PACS2: variants seen among roughly 807,000 people sequenced by gnomAD.
PACS2 encodes the protein phosphofurin acidic cluster sorting protein 2, also known as PACS1-like protein.
Under a neutral mutation model 113.0 loss-of-function variants are expected in PACS2, and 36 were observed. The ratio of observed to expected loss-of-function variants is 0.32; its 90% CI spans 0.24 to 0.42. PACS2 has a LOEUF of 0.42. Among genes scored for constraint, PACS2 ranks in the 10% least tolerant of loss-of-function variants. The pLI, the probability that PACS2 is intolerant of heterozygous loss-of-function variation, is 1.00. For synonymous variants in PACS2, 589 were observed against 536.1 expected (o/e 1.10, Z -1.36); for missense variants, 1,015 against 1,239.5 (o/e 0.82, Z 2.72).
rs912549302 is a variant in PACS2, at chr14:105,324,022, T to C, written c.119+8985T>C. Among the ~76,000 whole-genome samples, 2 of 152,198 alleles carry C rather than the reference T, an allele frequency of 1.3e-5. No individual in the cohort carries two copies. The highest frequency in any genetic ancestry group is 3.9e-4 in the East Asian group (2 of 5,188). ...TGTCAACACTGGAGTCACATGTCAG[T>C]GGGTCTCCTGCTGGGGACTGGCTTT... On this transcript the variant is annotated intron_variant, in intron 1 of 24. Transcript: ENST00000447393. The surrounding 1 kb of genome is among the most constrained non-coding windows in gnomAD (Gnocchi z 4.7).
chr14:105,311,371 A>G (rs1432309648), upstream of PACS2, among the ~76,000 whole-genome samples: 1 of 152,088 alleles, frequency 6.6e-6, no homozygotes, highest in Non-Finnish European at 1.5e-5. Flanking sequence ...CTCCCACCTC[A>G]GCTTCCCAAG....
Position 105,323,649 on chromosome 14 carries a change from A to G in PACS2, c.119+8612A>G, listed in dbSNP as rs1025874158. ...CAGTGCTGCTGGAGTGGTGGACCAC[A>G]CTGGAGGTGGAGATTGCCTCAGGGT... is the stretch of plus-strand genomic sequence containing the variant. On this transcript the variant is annotated intron_variant, in intron 1 of 24. Transcript: ENST00000447393. The surrounding 1 kb of genome is among the most constrained non-coding windows in gnomAD (Gnocchi z 4.1). Among the ~76,000 whole-genome samples the G allele has an allele frequency of 6.6e-6, 1 of 152,234 alleles. No homozygotes were observed. Among genetic ancestry groups the G allele is most frequent in the African/African-American group, 2.4e-5 (1 of 41,474 alleles).
chr14:105,350,607 C>T (rs1345112487), intron 2 of PACS2, among the ~76,000 whole-genome samples: 1 of 152,152 alleles, frequency 6.6e-6, no homozygotes, highest in East Asian at 1.9e-4. Flanking sequence ...CTTGGGGTGT[C>T]CTCTCCGCCC....
At chr14:105,377,225 TTG>T (rs2080817351) in intron 9 of PACS2, among the ~76,000 whole-genome samples, 3 of 151,580 alleles carry the variant, frequency 2.0e-5, no homozygotes, top group African/African-American at 7.3e-5. Context: ...TGGCACCCCG[TTG>T]TAGGGGATCC....
rs1376497438 is a variant in PACS2 at position 105,354,451 on chromosome 14, G to T, written c.298-601G>T. ...TTGATAGGCATGCTCAGGCATGTCA[G>T]CACCACCGCAGTTAGGGTGGTGAAC... On this transcript the variant is annotated intron_variant, in intron 3 of 24. Coordinates refer to ENST00000447393, the MANE Select transcript of PACS2 (RefSeq NM_001100913.3). The surrounding 1 kb of genome is among the most constrained non-coding windows in gnomAD (Gnocchi z 4.2). Among the ~76,000 whole-genome samples, 1 of 152,206 alleles carries T rather than the reference G, an allele frequency of 6.6e-6. No individual in the cohort carries two copies.
intron 18 of PACS2, 104 bp downstream of exon 18, chr14:105,385,091 C>T (rs2081130013): frequency 2.6e-6 from 2 of 765,774 alleles, no homozygotes; most frequent in Non-Finnish European, 2.3e-6. Context: ...GGCCGCAGAG[C>T]CCTGCACCGG....
chr14:105,304,585 C>T (rs2058127259), intron 1 of PACS2, among the ~76,000 whole-genome samples: 1 of 152,240 alleles, frequency 6.6e-6, no homozygotes, highest in African/African-American at 2.4e-5. Context: ...AGCCTTTGCT[C>T]AGATGGGCTG....
In PACS2 at chr14:105,323,434, C is replaced by A. The variant is rs1342810288; in HGVS notation, c.119+8397C>A. ...CAGGACGCATGTTGCCTACTGACCG[C>A]TGCCAGCCTGCACGAGACTCTCACG... On this transcript the variant is annotated intron_variant, in intron 1 of 24. Coordinates refer to ENST00000447393, the MANE Select transcript of PACS2 (RefSeq NM_001100913.3). The surrounding 1 kb of genome is among the most constrained non-coding windows in gnomAD (Gnocchi z 4.1). Among the ~76,000 whole-genome samples the A allele has an allele frequency of 1.3e-5, 2 of 152,214 alleles. No individual in the cohort carries two copies. The highest frequency in any genetic ancestry group is 2.9e-5 in the Non-Finnish European group (2 of 68,048).
At chr14:105,338,394 C>T (rs934756115) in intron 1 of PACS2, among the ~76,000 whole-genome samples, 2 of 152,208 alleles carry the variant, frequency 1.3e-5, no homozygotes, top group Admixed American at 6.5e-5. Flanking sequence ...CCGGAAGTCC[C>T]TGCCGAGGGG....
Position 105,324,232 on chromosome 14 carries a change from G to A in PACS2, c.119+9195G>A, listed in dbSNP as rs2059009330. ...CGGGGTCGGGGGGCTGCTGCAGAGA[G>A]CGGGTCTGCGGTCAGTCACAGTGAC... is the stretch of plus-strand genomic sequence containing the variant. On this transcript the variant is annotated intron_variant, in intron 1 of 24. Coordinates refer to ENST00000447393, the MANE Select transcript of PACS2 (RefSeq NM_001100913.3). This position sits in a 1 kb window ranked among gnomAD's most constrained non-coding sequence, Gnocchi z 4.7. Among the ~76,000 whole-genome samples the A allele has an allele frequency of 6.6e-6, 1 of 152,210 alleles. No individual in the cohort carries two copies. The highest frequency in any genetic ancestry group is 1.5e-5 in the Non-Finnish European group (1 of 68,044).
intron 10 of PACS2, 79 bp from the exon 11 acceptor site, chr14:105,380,001 C>T (rs1054162659): frequency 2.1e-6 from 3 of 1,412,040 alleles, no homozygotes; most frequent in Admixed American, 2.0e-5. Flanking sequence ...CTCCCTGAGT[C>T]CCAGCATTCC....
upstream of PACS2, chr14:105,314,485 G>C (rs2058464678): frequency 6.7e-6 from 1 of 148,962 alleles, no homozygotes; most frequent in African/African-American, 2.5e-5. Context: ...CCCCGGGCGG[G>C]GTCTGTGCGC....
intron 1 of PACS2, among the ~76,000 whole-genome samples, chr14:105,343,915 A>G (rs1289457980): frequency 6.6e-6 from 1 of 151,536 alleles, no homozygotes; most frequent in Non-Finnish European, 1.5e-5. Context: ...TATATTCTGG[A>G]TAAAATTTTT....
rs1311345573 is a variant in PACS2, at chr14:105,356,060, C to T, written c.423+883C>T. On this transcript the variant is annotated intron_variant, in intron 4 of 24. Transcript: ENST00000447393. The surrounding 1 kb of genome is among the most constrained non-coding windows in gnomAD (Gnocchi z 4.0). ...GCCAGCGCAGCCCCTCATTGGGAGC[C>T]GGAGATGCCAGAGCCCCCCAGCCCC... is the stretch of plus-strand genomic sequence containing the variant. Among the ~76,000 whole-genome samples the T allele has an allele frequency of 6.6e-6, 1 of 152,150 alleles. No individual in the cohort carries two copies. The highest frequency in any genetic ancestry group is 1.9e-4 in the East Asian group (1 of 5,178).
chr14:105,313,257 A>G (rs1485718182), upstream of PACS2, among the ~76,000 whole-genome samples: 1 of 152,182 alleles, frequency 6.6e-6, no homozygotes, highest in African/African-American at 2.4e-5. Context: ...TCTGGGGTCA[A>G]TGGGTGCCTG....
Position 105,394,917 on chromosome 14 carries a change from A to G in PACS2, c.*245A>G, listed in dbSNP as rs1177489249. 2.1e-6 allele frequency: 1 copy of G among 467,754 alleles called. No homozygotes were observed. Among genetic ancestry groups the G allele is most frequent in the South Asian group, 2.3e-5 (1 of 43,216 alleles). The allele number at this position is 467,754 out of a possible 1,614,324, so 29.0% of individuals were successfully genotyped here. A position where few individuals can be genotyped will look rare whatever the true frequency, so the allele number is the denominator to read the frequency against. On this transcript the variant is annotated 3_prime_UTR_variant, in exon 25 of 25. Coordinates refer to ENST00000447393, the MANE Select transcript of PACS2 (RefSeq NM_001100913.3). ...GAAGCCAGAAGGACGATGCTGAGCC[A>G]TGGATCGCGGAAGGCGTCCTCTGGC...
At chr14:105,390,850 G>A in intron 20 of PACS2, 1 of 351,090 alleles carries the variant, frequency 2.8e-6, no homozygotes, top group South Asian at 3.6e-5. Flanking sequence ...GTAGCCGCCT[G>A]TGGCTCGTGG....
At chr14:105,306,225 T>G (rs2058182146) in intron 1 of PACS2, among the ~76,000 whole-genome samples, 1 of 152,202 alleles carries the variant, frequency 6.6e-6, no homozygotes, top group Admixed American at 6.5e-5. Context: ...AGGACACGCC[T>G]AGGCACCTGC....
At chr14:105,308,865 T>G (rs2058268147) in intron 1 of PACS2, among the ~76,000 whole-genome samples, 1 of 151,888 alleles carries the variant, frequency 6.6e-6, no homozygotes, top group African/African-American at 2.4e-5. Context: ...TCCCAGCACT[T>G]TGAGAGGCTG....
Sources: allele counts gnomAD v4.1 joint callset (sites outside exome capture counted in the v4.1 genomes callset), GRCh38; gene constraint gnomAD v4.1.1; non-coding constraint Gnocchi (gnomAD v3.1); transcripts MANE v1.5; gene names NCBI Gene and HGNC (gene_info 2026-07-23, HGNC 2026-07-21).